The following STK32B variants were observed in gnomAD, a reference collection of about 807,000 sequenced individuals.
STK32B encodes the protein serine/threonine kinase 32B.
Under a neutral mutation model 52.6 loss-of-function variants are expected in STK32B, and 43 were observed. The ratio of observed to expected loss-of-function variants is 0.82; its 90% CI spans 0.64 to 1.05. STK32B has a LOEUF of 1.05. Among genes scored for constraint, STK32B ranks in the 50% least tolerant of loss-of-function variants. The pLI, the probability that STK32B is intolerant of heterozygous loss-of-function variation, is 0.00. For missense variants in STK32B, 621 were observed against 534.6 expected (o/e 1.16, Z -1.59); for synonymous variants, 238 against 204.3 (o/e 1.17, Z -1.41).
intron 3 of STK32B, among the ~76,000 whole-genome samples, chr4:5,228,759 A>G (rs2218606): frequency 0.7 from 105,768 of 152,032 alleles, 37,013 homozygotes; most frequent in East Asian, 0.79. Flanking sequence ...CCTGAGGTCA[A>G]GAGTTTGAGA....
chr4:5,304,767 C>T (rs1199323018), intron 3 of STK32B, among the ~76,000 whole-genome samples: 6 of 118,182 alleles, frequency 5.1e-5, no homozygotes, highest in East Asian at 4.5e-4. Context: ...TTCCAGTTAT[C>T]GGGGAGGGGG....
At chr4:5,159,751 GTATATGAATATATATATGAA>G (rs1718276919) in intron 2 of STK32B, among the ~76,000 whole-genome samples, 1 of 125,046 alleles carries the variant, frequency 8.0e-6, no homozygotes, top group African/African-American at 3.4e-5. Context: ...ATATATGAAT[GTATATGAATATATATATGAA>G]TATATGAATG....
At chr4:5,092,771 AAACC>A (rs1713164489) in intron 1 of STK32B, among the ~76,000 whole-genome samples, 1 of 152,116 alleles carries the variant, frequency 6.6e-6, no homozygotes, top group South Asian at 2.1e-4. Context: ...AGATGGTGCT[AAACC>A]ATTCATGAGA....
At chr4:5,034,795 C>T in the STK32B span, among the ~76,000 whole-genome samples, 1 of 152,176 alleles carries the variant, frequency 6.6e-6, no homozygotes, top group African/African-American at 2.4e-5. Flanking sequence ...GATTCTTCTC[C>T]AGGCTCCATC....
intron 1 of STK32B, among the ~76,000 whole-genome samples, chr4:5,110,458 C>CTGATCATATCACTCCATTT (rs1714341256): frequency 6.6e-6 from 1 of 151,922 alleles, no homozygotes; most frequent in African/African-American, 2.4e-5. Flanking sequence ...AAGCCACATA[C>CTGATCATATCACTCCATTT]CTGCAACCAA....
chr4:5,049,163 C>T (rs1249664723), upstream of STK32B, among the ~76,000 whole-genome samples: 1 of 152,024 alleles, frequency 6.6e-6, no homozygotes, highest in East Asian at 1.9e-4. Context: ...CCAGTCTCAG[C>T]GCCAGCACCC....
intron 1 of STK32B, among the ~76,000 whole-genome samples, chr4:5,099,789 C>G (rs893756797): frequency 2.6e-5 from 4 of 152,056 alleles, no homozygotes; most frequent in Non-Finnish European, 5.9e-5. Flanking sequence ...ACAGCAGGCA[C>G]AGGAATGAGA....
At chr4:5,080,226 C>T (rs1712333654) in intron 1 of STK32B, among the ~76,000 whole-genome samples, 1 of 152,224 alleles carries the variant, frequency 6.6e-6, no homozygotes, top group Admixed American at 6.5e-5. Context: ...TATGATCAGG[C>T]CCCCTGCCAC....
chr4:5,061,780 C>T (rs986073873), intron 1 of STK32B, among the ~76,000 whole-genome samples: 1 of 152,128 alleles, frequency 6.6e-6, no homozygotes, highest in South Asian at 2.1e-4. Context: ...TTTACCAAGC[C>T]TCCTCCTCTT....
chr4:5,022,840 C>T, the STK32B span, among the ~76,000 whole-genome samples: 74 of 152,164 alleles, frequency 4.9e-4, no homozygotes, highest in African/African-American at 1.6e-3. Flanking sequence ...GCTATCCTCT[C>T]GGAGGAGATT....
chr4:5,321,574 A>T (rs1038132466), intron 3 of STK32B, among the ~76,000 whole-genome samples: 1 of 152,142 alleles, frequency 6.6e-6, no homozygotes, highest in African/African-American at 2.4e-5. Context: ...CCTTCGTTGT[A>T]CATTTTTCCC....
At chr4:5,099,637 A>G (rs1713614956) in intron 1 of STK32B, among the ~76,000 whole-genome samples, 1 of 152,144 alleles carries the variant, frequency 6.6e-6, no homozygotes, top group African/African-American at 2.4e-5. Flanking sequence ...GCCTCGAAGG[A>G]CAGATAGGAT....
chr4:5,253,313 G>C (rs763393029), intron 3 of STK32B, among the ~76,000 whole-genome samples: 1 of 152,010 alleles, frequency 6.6e-6, no homozygotes, highest in Non-Finnish European at 1.5e-5. Context: ...GTTGTTCTTG[G>C]GCAAAGGCGA....
At chr4:5,298,838 C>CA (rs35531404) in intron 3 of STK32B, among the ~76,000 whole-genome samples, 17,417 of 135,170 alleles carry the variant, frequency 0.13, 2,143 homozygotes, top group African/African-American at 0.33. Flanking sequence ...CTGGGGTATG[C>CA]AAAAAAAAAA....
At chr4:5,261,834 T>G (rs1166563912) in intron 3 of STK32B, among the ~76,000 whole-genome samples, 1 of 152,210 alleles carries the variant, frequency 6.6e-6, no homozygotes, top group Non-Finnish European at 1.5e-5. Flanking sequence ...GTACCAGATC[T>G]GCATTTTATT....
At chr4:5,344,488 G>C (rs1363089434) in intron 4 of STK32B, among the ~76,000 whole-genome samples, 1 of 152,122 alleles carries the variant, frequency 6.6e-6, no homozygotes, top group African/African-American at 2.4e-5. Flanking sequence ...CACTTCATCA[G>C]ACTCACAGTC....
chr4:5,314,212 C>T (rs1577329671), intron 3 of STK32B, among the ~76,000 whole-genome samples: 2 of 152,090 alleles, frequency 1.3e-5, no homozygotes, highest in East Asian at 3.9e-4. Context: ...AGCATAGGAA[C>T]AGACACATAG....
intron 1 of STK32B, among the ~76,000 whole-genome samples, chr4:5,060,006 GCC>G (rs1014539334): frequency 1.3e-5 from 2 of 152,134 alleles, no homozygotes; most frequent in African/African-American, 4.8e-5. Context: ...CGTTCTTGTT[GCC>G]CAGGCTGGAG....
At chr4:5,034,697 T>G in the STK32B span, among the ~76,000 whole-genome samples, 5 of 152,302 alleles carry the variant, frequency 3.3e-5, no homozygotes, top group Non-Finnish European at 5.9e-5. Context: ...GAGCGATATA[T>G]TCAGACATCC....
Sources: gnomAD v4.1 joint callset for allele counts (sites outside exome capture counted in the v4.1 genomes callset) on GRCh38, gnomAD v4.1.1 for gene constraint, MANE v1.5 for transcripts, NCBI Gene and HGNC (gene_info 2026-07-23, HGNC 2026-07-21) for gene names.